The following FHIT variants were observed in gnomAD, a reference collection of about 807,000 sequenced individuals.
The protein encoded by FHIT is fragile histidine triad diadenosine triphosphatase, also known as bis(5'-adenosyl)-triphosphatase.
In FHIT, 19 loss-of-function variants were observed where a neutral mutation model predicts 17.9. The observed-to-expected ratio is 1.06, with a 90% CI of 0.74 to 1.56. FHIT has a LOEUF of 1.56. Among genes scored for constraint, FHIT ranks in the 40% most tolerant of loss-of-function variants. The probability of loss-of-function intolerance (pLI) is 0.00; values close to 1 mark genes in which losing one functional copy is unlikely to be tolerated. For synonymous variants in FHIT, 81 were observed against 69.7 expected (o/e 1.16, Z -0.81); for missense variants, 248 against 189.2 (o/e 1.31, Z -1.82).
chr3:60,701,004 T>G (rs1027825554), intron 4 of FHIT, among the ~76,000 whole-genome samples: 3 of 152,194 alleles, frequency 2.0e-5, no homozygotes, highest in African/African-American at 4.8e-5. Context: ...TCATCTGAAT[T>G]TTTAGATTTT....
chr3:60,819,400 A>T (rs1270882338), intron 4 of FHIT, among the ~76,000 whole-genome samples: 1 of 152,206 alleles, frequency 6.6e-6, no homozygotes, highest in Admixed American at 6.5e-5. Context: ...TCTCAAAGCA[A>T]TGAGGCTTAT....
At chr3:60,938,117 C>T (rs565167147) in intron 3 of FHIT, among the ~76,000 whole-genome samples, 1 of 152,300 alleles carries the variant, frequency 6.6e-6, no homozygotes, top group South Asian at 2.1e-4. Context: ...GTGTAGCAGT[C>T]TCTCACCACT....
intron 7 of FHIT, among the ~76,000 whole-genome samples, chr3:60,001,936 A>G (rs1479413678): frequency 6.6e-6 from 1 of 152,194 alleles, no homozygotes; most frequent in African/African-American, 2.4e-5. Context: ...GGGCACCAGG[A>G]TGGAAAGCAT....
At chr3:60,407,056 G>A (rs1414950580) in intron 5 of FHIT, among the ~76,000 whole-genome samples, 3 of 135,726 alleles carry the variant, frequency 2.2e-5, no homozygotes, top group Non-Finnish European at 4.6e-5. Flanking sequence ...ACTACTCAAA[G>A]CCTGCCAATA....
chr3:60,144,992 G>GA (rs1700180242), intron 5 of FHIT, among the ~76,000 whole-genome samples: 4 of 152,114 alleles, frequency 2.6e-5, no homozygotes, highest in African/African-American at 9.6e-5. Flanking sequence ...ATGATTTGGA[G>GA]GAAAAAAACA....
chr3:60,483,994 A>C (rs954023842), intron 5 of FHIT, among the ~76,000 whole-genome samples: 2 of 152,150 alleles, frequency 1.3e-5, no homozygotes, highest in Non-Finnish European at 2.9e-5. Flanking sequence ...AGGATACAAA[A>C]TCAATGTGCA....
At chr3:60,930,757 A>C (rs1340842351) in intron 3 of FHIT, among the ~76,000 whole-genome samples, 2 of 152,144 alleles carry the variant, frequency 1.3e-5, no homozygotes, top group Non-Finnish European at 2.9e-5. Context: ...ACACTTTTAC[A>C]CTGTTGGTGG....
chr3:60,838,373 G>A (rs1175176742), intron 3 of FHIT, among the ~76,000 whole-genome samples: 3 of 152,166 alleles, frequency 2.0e-5, no homozygotes, highest in African/African-American at 4.8e-5. Flanking sequence ...TCAGGAGGCT[G>A]AGGCAGGAGA....
chr3:60,572,688 CA>C (rs576128636), intron 4 of FHIT, among the ~76,000 whole-genome samples: 1 of 151,818 alleles, frequency 6.6e-6, no homozygotes, highest in Non-Finnish European at 1.5e-5. Flanking sequence ...AAATATAAAA[CA>C]AAAAAATATA....
intron 2 of FHIT, among the ~76,000 whole-genome samples, chr3:61,138,961 A>T (rs559413378): frequency 6.6e-6 from 1 of 152,280 alleles, no homozygotes; most frequent in African/African-American, 2.4e-5. Flanking sequence ...ATAAAAAAAT[A>T]AAGAAGAACC....
intron 5 of FHIT, among the ~76,000 whole-genome samples, chr3:60,079,240 G>T (rs2736774): frequency 2.6e-5 from 4 of 152,114 alleles, no homozygotes; most frequent in African/African-American, 9.7e-5. Context: ...GTGATGTGCA[G>T]GCCGCAGAGA....
At chr3:60,509,889 A>C (rs757893246) in intron 5 of FHIT, among the ~76,000 whole-genome samples, 1 of 152,194 alleles carries the variant, frequency 6.6e-6, no homozygotes, top group Non-Finnish European at 1.5e-5. Context: ...CAATGAATAC[A>C]TCACGTACCT....
intron 7 of FHIT, among the ~76,000 whole-genome samples, chr3:59,972,277 T>G (rs942040858): frequency 2.6e-5 from 4 of 152,066 alleles, no homozygotes; most frequent in Non-Finnish European, 2.9e-5. Flanking sequence ...GAATGGGGCC[T>G]TGTGAGACAT....
intron 2 of FHIT, among the ~76,000 whole-genome samples, chr3:61,151,575 C>CTTTTCCTTTCT (rs2037391413): frequency 3.9e-5 from 5 of 129,270 alleles, no homozygotes; most frequent in Middle Eastern, 4.0e-3. Context: ...CTTTTCTTTT[C>CTTTTCCTTTCT]TTTTTTTTTT....
intron 8 of FHIT, among the ~76,000 whole-genome samples, chr3:59,761,232 C>T (rs966121525): frequency 6.6e-6 from 1 of 152,164 alleles, no homozygotes; most frequent in East Asian, 1.9e-4. Context: ...TAGTTCTTTG[C>T]TTTTCAAGTA....
intron 5 of FHIT, among the ~76,000 whole-genome samples, chr3:60,193,116 AG>A (rs1702478829): frequency 6.6e-6 from 1 of 152,240 alleles, no homozygotes; most frequent in Non-Finnish European, 1.5e-5. Flanking sequence ...AACCATGAGA[AG>A]GATAATTAAC....
chr3:60,419,053 T>C (rs761701954), intron 5 of FHIT, among the ~76,000 whole-genome samples: 7 of 152,192 alleles, frequency 4.6e-5, no homozygotes, highest in Non-Finnish European at 8.8e-5. Flanking sequence ...GAGATTTTCA[T>C]GGTCCCTTCT....
At chr3:59,768,507 C>A (rs148223023) in intron 8 of FHIT, among the ~76,000 whole-genome samples, 1 of 152,324 alleles carries the variant, frequency 6.6e-6, no homozygotes, top group African/African-American at 2.4e-5. Flanking sequence ...CAAGATGGTT[C>A]CATTTCAGGA....
At chr3:61,025,165 C>T (rs2032667162) in intron 3 of FHIT, among the ~76,000 whole-genome samples, 2 of 152,126 alleles carry the variant, frequency 1.3e-5, no homozygotes, top group South Asian at 4.1e-4. Context: ...TGTTAGACAT[C>T]CGAAGATCAA....
Sources: gnomAD v4.1 joint callset for allele counts (sites outside exome capture counted in the v4.1 genomes callset) on GRCh38, gnomAD v4.1.1 for gene constraint, MANE v1.5 for transcripts, NCBI Gene and HGNC (gene_info 2026-07-23, HGNC 2026-07-21) for gene names.